Variants in CLUAP1 observed in about 807,000 individuals in gnomAD.
CLUAP1 encodes intraflagellar transport 38, also known as clusterin-associated protein 1.
Under a neutral mutation model 55.0 loss-of-function variants are expected in CLUAP1, and 50 were observed. That is an observed-to-expected ratio of 0.91 (90% CI 0.72 to 1.15). The LOEUF (loss-of-function observed/expected upper bound fraction) is 1.15. Among genes scored for constraint, CLUAP1 ranks in the 50% most tolerant of loss-of-function variants. The pLI, the probability that CLUAP1 is intolerant of heterozygous loss-of-function variation, is 0.00. For synonymous variants in CLUAP1, 195 were observed against 175.4 expected, an observed-to-expected ratio of 1.11 and a Z score of -0.88; for missense variants, 530 against 507.6, an observed-to-expected ratio of 1.04 and a Z score of -0.42.
intron 10 of CLUAP1, 24 bp from the exon 11 acceptor site, chr16:3,532,759 ACTT>A: frequency 1.9e-6 from 3 of 1,612,372 alleles, no homozygotes; most frequent in Non-Finnish European, 2.5e-6. Flanking sequence ...GATTTTTATG[ACTT>A]CTTCATGCTT....
At chr16:3,533,166 T>G (rs2038163038) in intron 11 of CLUAP1, 1 of 1,535,532 alleles carries the variant, frequency 6.5e-7, no homozygotes, top group Non-Finnish European at 8.7e-7. Flanking sequence ...GTTGGTTTTC[T>G]GTTCTGCCTC....
At chr16:3,512,311 CAT>C in intron 4 of CLUAP1, 70 bp from the exon 5 acceptor site, 1 of 1,175,978 alleles carries the variant, frequency 8.5e-7, no homozygotes, top group Admixed American at 1.7e-5. Flanking sequence ...GCCTGGGTAA[CAT>C]AGCCAAGACC....
intron 7 of CLUAP1, among the ~76,000 whole-genome samples, chr16:3,520,554 G>A (rs2037814633): frequency 6.6e-6 from 1 of 152,054 alleles, no homozygotes; most frequent in Non-Finnish European, 1.5e-5. Flanking sequence ...TTTACTGCTT[G>A]CGGTATGTCT....
chr16:3,535,026 G>C (rs117189983), intron 11 of CLUAP1: 5,903 of 152,900 alleles, frequency 0.039, 151 homozygotes, highest in Admixed American at 0.062. Flanking sequence ...CATCTGCCCT[G>C]CAGAGGTCCG....
In CLUAP1 at chr16:3,527,474, C is replaced by T. The variant is rs148134828; in HGVS notation, c.928+990C>T. 1.9e-3 allele frequency among the ~76,000 whole-genome samples: 283 copies of T among 152,168 alleles called. 1 individual carries two copies. The highest frequency in any genetic ancestry group is 6.8e-3 in the Middle Eastern group (2 of 294). ...GGAAGCCGCCCGTTGCCAAGTGGAC[C>T]GTGGTCTAGTGGTAGCGTCAGTGTC... is the stretch of plus-strand genomic sequence containing the variant. On this transcript the variant is annotated intron_variant, in intron 9 of 11. Coordinates refer to ENST00000576634, the MANE Select transcript of CLUAP1 (RefSeq NM_015041.3).
rs2038234569 is a variant in CLUAP1, at chr16:3,536,517, C to T, written c.*246C>T. ...TTTATCTTCTAAAACTTGAGGAATG[C>T]ATGTGTTCTTAGTGATTCACATCCA... On this transcript the variant is annotated 3_prime_UTR_variant, in exon 12 of 12. Transcript: ENST00000576634. The T allele has an allele frequency of 5.0e-6, 2 of 399,876 alleles. No individual in the cohort carries two copies. Among genetic ancestry groups the T allele is most frequent in the Non-Finnish European group, 9.0e-6 (2 of 223,058 alleles). 24.8% of individuals were successfully genotyped at this position (399,876 alleles called of 1,614,324 possible).
intron 1 of CLUAP1, among the ~76,000 whole-genome samples, chr16:3,501,365 C>T (rs951089603): frequency 6.6e-6 from 1 of 152,234 alleles, no homozygotes; most frequent in Non-Finnish European, 1.5e-5. Flanking sequence ...AGATGAATAA[C>T]TGAATTTTTA....
intron 1 of CLUAP1, among the ~76,000 whole-genome samples, chr16:3,503,692 G>A (rs1433093279): frequency 6.6e-6 from 1 of 152,176 alleles, no homozygotes; most frequent in Non-Finnish European, 1.5e-5. Context: ...CTGGGCCCAG[G>A]TGATCGTCCC....
chr16:3,506,070 A>G (rs559767351), intron 2 of CLUAP1, among the ~76,000 whole-genome samples: 1 of 152,368 alleles, frequency 6.6e-6, no homozygotes, highest in South Asian at 2.1e-4. Flanking sequence ...GATTAGCTTC[A>G]TGACATGGTG....
intron 11 of CLUAP1, chr16:3,533,318 A>G (rs1388194216): frequency 1.6e-6 from 1 of 624,048 alleles, no homozygotes; most frequent in East Asian, 2.8e-5. Flanking sequence ...CCCCTGTGCT[A>G]AAGTGGAGGC....
chr16:3,503,577 T>A (rs908704116), intron 1 of CLUAP1, among the ~76,000 whole-genome samples: 6 of 151,720 alleles, frequency 4.0e-5, no homozygotes, highest in African/African-American at 1.5e-4. Context: ...ATTACAGGCG[T>A]GAACCACCCG....
chr16:3,496,745 C>T (rs1473698006), upstream of CLUAP1: 2 of 508,166 alleles, frequency 3.9e-6, no homozygotes, highest in Non-Finnish European at 7.8e-6. Context: ...CAGAGGCCTA[C>T]GGGCCAGCCG....
At position 3,536,298 on chromosome 16, in the gene CLUAP1, TTAAAACCCTCAGACTTGTAGG is replaced by T; in HGVS notation, c.*32_*52del. On this transcript the variant is annotated 3_prime_UTR_variant, in exon 12 of 12. Coordinates refer to ENST00000576634, the MANE Select transcript of CLUAP1 (RefSeq NM_015041.3). ...CCTTTTGCCAAGGGACCCTGGCAGA[TTAAAACCCTCAGACTTGTAGG>T]TAAATGGGAACTTAGAAGGTTAGGA... is the stretch of plus-strand genomic sequence containing the variant. 2 of 1,609,934 alleles carry T rather than the reference TTAAAACCCTCAGACTTGTAGG, an allele frequency of 1.2e-6. No individual in the cohort carries two copies. Among genetic ancestry groups the T allele is most frequent in the Non-Finnish European group, 1.7e-6 (2 of 1,177,266 alleles).
At position 3,523,280 on chromosome 16, in the gene CLUAP1, T is replaced by C. The variant is rs747678590; in HGVS notation, c.836T>C (p.Met279Thr). Reference protein sequence around the residue: ...LEQQLEDHHRMEQERFEEAKN... With the variant: ...LEQQLEDHHRTEQERFEEAKN... Reference sequence around the variant, plus strand: ...CAACAGCTTGAAGACCATCATAGGATGGAGCAAGAAAGGTTTGAGGTGAGC... The same window carrying C: ...CAACAGCTTGAAGACCATCATAGGACGGAGCAAGAAAGGTTTGAGGTGAGC... Residue 279 changes from methionine (M) to threonine (T), a missense_variant, in exon 8 of 12, where the codon ATG (methionine) becomes ACG (threonine). Physicochemically the swap from Met to Thr is moderately conservative, Grantham distance 81. Coordinates refer to ENST00000576634, the MANE Select transcript of CLUAP1 (RefSeq NM_015041.3). The C allele has an allele frequency of 3.7e-6, 6 of 1,612,860 alleles. No individual in the cohort carries two copies. In the African/African-American group the frequency reaches 8.0e-5, roughly 22 times the overall value.
intron 4 of CLUAP1, among the ~76,000 whole-genome samples, chr16:3,509,470 C>T (rs1291606141): frequency 6.6e-6 from 1 of 152,174 alleles, no homozygotes; most frequent in Non-Finnish European, 1.5e-5. Context: ...CCGAAGCAGG[C>T]GGCAGGGCTG....
chr16:3,529,127 C>T (rs1170320532), intron 9 of CLUAP1, among the ~76,000 whole-genome samples: 2 of 151,734 alleles, frequency 1.3e-5, no homozygotes, highest in Non-Finnish European at 2.9e-5. Context: ...TTTCATGTAA[C>T]CTATGCACAT....
chr16:3,511,246 T>C (rs2037619325), intron 4 of CLUAP1, among the ~76,000 whole-genome samples: 3 of 152,026 alleles, frequency 2.0e-5, no homozygotes, highest in African/African-American at 4.8e-5. Context: ...AAGGTGAGGA[T>C]TGGTTGTCCA....
intron 11 of CLUAP1, chr16:3,535,115 G>C (rs933375936): frequency 5.2e-5 from 8 of 152,844 alleles, no homozygotes; most frequent in African/African-American, 1.9e-4. Context: ...GGGGCCCTGG[G>C]GGATGGAGAA....
At chr16:3,504,386 A>T (rs530166273) in intron 1 of CLUAP1, among the ~76,000 whole-genome samples, 3 of 152,330 alleles carry the variant, frequency 2.0e-5, no homozygotes, top group South Asian at 4.1e-4. Flanking sequence ...CTTTTTCTTC[A>T]TGACATTTTA....
Sources: gnomAD v4.1 joint callset for allele counts (sites outside exome capture counted in the v4.1 genomes callset) on GRCh38, gnomAD v4.1.1 for gene constraint, MANE v1.5 for transcripts, NCBI Gene and HGNC (gene_info 2026-07-23, HGNC 2026-07-21) for gene names.